The following USE1 variants were observed in gnomAD, a reference collection of about 807,000 sequenced individuals.
USE1 encodes the protein unconventional SNARE in the ER 1.
USE1 carries 32 observed loss-of-function variants against 37.6 expected under a neutral mutation model. That is an observed-to-expected ratio of 0.85 (90% CI 0.64 to 1.14). The LOEUF (loss-of-function observed/expected upper bound fraction) is 1.14. Ranked by LOEUF, USE1 falls within the 50% of genes most tolerant of loss-of-function variation. USE1 has a pLI of 0.00. For synonymous variants in USE1, 149 were observed against 137.6 expected (o/e 1.08, Z -0.58); for missense variants, 310 against 332.2 (o/e 0.93, Z 0.52).
intron 4 of USE1, 56 bp downstream of exon 4, chr19:17,216,377 G>T: frequency 6.3e-7 from 1 of 1,583,840 alleles, no homozygotes; most frequent in Non-Finnish European, 8.6e-7. Flanking sequence ...GGGGTTCTAT[G>T]CTTGTAGGCA....
Position 17,216,259 on chromosome 19 carries a change from AC to A in USE1, c.323del (p.Thr108ArgfsTer19), listed in dbSNP as rs750216586. The A allele has an allele frequency of 6.2e-7, 1 of 1,613,120 alleles. No individual in the cohort carries two copies. Among genetic ancestry groups the A allele is most frequent in the East Asian group, 2.2e-5 (1 of 44,866 alleles). Reference protein sequence around the residue: ...TARERVPATKTVHLQSRARYT... With the variant: ...TARERVPATKXVHLQSRARYT... ...CAGAGAGCGAGTGCCCGCCACAAAG[AC>A]GGTGCATCTGCAGTCACGGGCGCGG... On this transcript the variant is annotated frameshift_variant, in exon 4 of 8. Coordinates refer to ENST00000263897, the MANE Select transcript of USE1 (RefSeq NM_018467.4). LOFTEE classifies it high-confidence loss of function.
chr19:17,219,450 C>T, intron 7 of USE1, 63 bp downstream of exon 7: 1 of 1,488,560 alleles, frequency 6.7e-7, no homozygotes, highest in Admixed American at 2.2e-5. Flanking sequence ...CTTCCCAGCA[C>T]AGGAGCATTG....
intron 3 of USE1, 35 bp from the exon 4 acceptor site, chr19:17,216,134 C>A (rs1282338898): frequency 1.2e-6 from 2 of 1,613,434 alleles, no homozygotes; most frequent in African/African-American, 2.7e-5. Context: ...CCAGGACCTG[C>A]CCCTCCAGTG....
Position 17,219,817 on chromosome 19 carries a change from C to G in USE1, c.*4C>G. The G allele has an allele frequency of 6.3e-7, 1 of 1,576,732 alleles. No individual in the cohort carries two copies. The highest frequency in any genetic ancestry group is 8.6e-7 in the Non-Finnish European group (1 of 1,159,388). On this transcript the variant is annotated 3_prime_UTR_variant, in exon 8 of 8. Transcript: ENST00000263897. ...AATCATGCCTAAACTCAAATAAAGA[C>G]CCCCGCCCACCTTGTCTGTCTTCCG...
chr19:17,216,233 C>T lies in USE1; in HGVS notation c.296C>T (p.Ala99Val). ...GCCCCTGGCCGTGTGCCAACCACAG[C>T]CAGAGAGCGAGTGCCCGCCACAAAG... ...FLAPGRVPTTARERVPATKTV... is the reference protein window; with the variant it reads ...FLAPGRVPTTVRERVPATKTV... Residue 99 changes from alanine (A) to valine (V), a missense_variant, in exon 4 of 8, where the codon GCC becomes GTC. Coordinates refer to ENST00000263897, the MANE Select transcript of USE1 (RefSeq NM_018467.4). 2 of 1,612,848 alleles carry T rather than the reference C, an allele frequency of 1.2e-6. No individual in the cohort carries two copies. Among genetic ancestry groups the T allele is most frequent in the South Asian group, 1.1e-5 (1 of 91,078 alleles).
intron 1 of USE1, 120 bp downstream of exon 1, chr19:17,215,627 C>T: frequency 7.3e-7 from 1 of 1,369,074 alleles, no homozygotes; most frequent in Non-Finnish European, 9.9e-7. Context: ...CCTTTCCGGT[C>T]AGTCCCGCCA....
chr19:17,216,450 G>A (rs1216967846), intron 4 of USE1, 129 bp downstream of exon 4: 1 of 1,326,676 alleles, frequency 7.5e-7, no homozygotes, highest in East Asian at 2.4e-5. Context: ...TCTTCCCTGG[G>A]TCATCACACA....
chr19:17,215,971 TTTC>T lies in USE1; in HGVS notation c.153-14_153-12del. ...CTGGGGACCATGGACAGGTTTTGTT[TTTC>T]TTCTTCCTGCCTTCCAGCAAACCGG... On this transcript the variant is annotated intron_variant, in intron 2 of 7. Transcript: ENST00000263897. 1.3e-6 allele frequency: 2 copies of T among 1,591,218 alleles called. No individual in the cohort carries two copies. The highest frequency in any genetic ancestry group is 4.6e-5 in the East Asian group (2 of 43,912).
chr19:17,216,037 T>C lies in USE1; in HGVS notation c.198T>C (p.Asp66=). ...EVINEYSWKV[D]FLKGMLQAEK... ...TCAATGAATATTCCTGGAAGGTGGA[T>C]TTTCTGAAGGGGATGCTGCAAGCCG... The change falls in exon 3 of 8, where the codon GAT becomes GAC. Residue 66 remains aspartate (D), a synonymous_variant. Coordinates refer to ENST00000263897, the MANE Select transcript of USE1 (RefSeq NM_018467.4). 2.5e-6 allele frequency: 4 copies of C among 1,611,134 alleles called. No individual in the cohort carries two copies. The highest frequency in any genetic ancestry group is 3.4e-6 in the Non-Finnish European group (4 of 1,178,786).
chr19:17,216,658 T>C (rs1477961899), intron 4 of USE1, among the ~76,000 whole-genome samples: 1 of 152,192 alleles, frequency 6.6e-6, no homozygotes, highest in Non-Finnish European at 1.5e-5. Flanking sequence ...CTGAGCACTT[T>C]ATGTGGATCA....
At chr19:17,218,868 C>T in intron 6 of USE1, 1 of 178,410 alleles carries the variant, frequency 5.6e-6, no homozygotes, top group Non-Finnish European at 1.2e-5. Flanking sequence ...GTGGCTCACG[C>T]CTGTAATCCC....
chr19:17,216,111 C>G (rs2073288533), intron 3 of USE1, 41 bp downstream of exon 3: 1 of 1,613,564 alleles, frequency 6.2e-7, no homozygotes, highest in Non-Finnish European at 8.5e-7. Context: ...CCCATCACCG[C>G]TCACTTTGGT....
chr19:17,215,358 T>C lies in USE1; in HGVS notation c.-48T>C. 1 of 1,526,694 alleles carries C rather than the reference T, an allele frequency of 6.6e-7. No homozygotes were observed. Among genetic ancestry groups the C allele is most frequent in the Non-Finnish European group, 8.8e-7 (1 of 1,134,064 alleles). 94.6% of individuals were successfully genotyped at this position (1,526,694 alleles called of 1,614,324 possible). ...AGGCCACTTGAAGGCACTTCCGCCC[T>C]CTCTTAACATGGAGCCGGCGGAAGG... On this transcript the variant is annotated 5_prime_UTR_variant, in exon 1 of 8. Coordinates refer to ENST00000263897, the MANE Select transcript of USE1 (RefSeq NM_018467.4).
intron 5 of USE1, chr19:17,218,079 G>A: frequency 5.0e-6 from 2 of 397,640 alleles, no homozygotes; most frequent in South Asian, 2.4e-5. Context: ...GAGAGACTCT[G>A]TCTCAAAAAT....
At position 17,216,004 on chromosome 19, in the gene USE1, T is replaced by C; in HGVS notation, c.165T>C (p.Ser55=). ...ALKVHASKPA[S]EVINEYSWKV... is the part of the protein sequence containing the mutation. ...TCCTGCCTTCCAGCAAACCGGCCTC[T>C]GAGGTGATCAATGAATATTCCTGGA... Residue 55 remains serine (S), a synonymous_variant, in exon 3 of 8, where the codon TCT becomes TCC. Transcript: ENST00000263897. 6.2e-7 allele frequency: 1 copy of C among 1,606,408 alleles called. No homozygotes were observed. The highest frequency in any genetic ancestry group is 1.1e-5 in the South Asian group (1 of 89,974).
chr19:17,215,953 C>G (rs376267945), intron 2 of USE1, 39 bp from the exon 3 acceptor site: 92 of 1,583,906 alleles, frequency 5.8e-5, no homozygotes, highest in Non-Finnish European at 7.4e-5. Flanking sequence ...GAGCTGGGGA[C>G]CATGGACAGG....
Position 17,219,670 on chromosome 19 carries a change from G to C in USE1, c.637G>C (p.Glu213Gln). The C allele has an allele frequency of 6.2e-7, 1 of 1,611,020 alleles. No homozygotes were observed. Among genetic ancestry groups the C allele is most frequent in the Non-Finnish European group, 8.5e-7 (1 of 1,177,750 alleles). ...ACTGAAAATGGCGGACCAGAACCTG[G>C]AGAAACTGAAGACGGAGTCAGAGCG... ...HSLKMADQNLEKLKTESERLE... is the reference protein window; with the variant it reads ...HSLKMADQNLQKLKTESERLE... Residue 213 changes from glutamate (E) to glutamine (Q), a missense_variant, in exon 8 of 8, where the codon GAG becomes CAG. Coordinates refer to ENST00000263897, the MANE Select transcript of USE1 (RefSeq NM_018467.4).
intron 4 of USE1, among the ~76,000 whole-genome samples, chr19:17,217,135 A>G (rs956214731): frequency 3.1e-5 from 3 of 95,982 alleles, no homozygotes; most frequent in Non-Finnish European, 5.7e-5. Context: ...CATGGCATTT[A>G]CTTTTTTTTT....
intron 1 of USE1, 120 bp downstream of exon 1, chr19:17,215,627 C>A: frequency 7.3e-7 from 1 of 1,369,068 alleles, no homozygotes; most frequent in Non-Finnish European, 9.9e-7. Context: ...CCTTTCCGGT[C>A]AGTCCCGCCA....
Sources: gnomAD v4.1 joint callset for allele counts (sites outside exome capture counted in the v4.1 genomes callset) on GRCh38, gnomAD v4.1.1 for gene constraint, MANE v1.5 for transcripts, NCBI Gene and HGNC (gene_info 2026-07-23, HGNC 2026-07-21) for gene names.